FERMT2: variants seen among roughly 807,000 people sequenced by gnomAD.
The protein encoded by FERMT2 is FERM domain containing kindlin 2, also known as fermitin family homolog 2.
A neutral mutation model predicts 82.7 loss-of-function variants in FERMT2; 15 were observed. The observed-to-expected ratio is 0.18, with a 90% CI of 0.12 to 0.28. The LOEUF is 0.28. Ranked by LOEUF, FERMT2 falls within the 10% of genes least tolerant of loss-of-function variation. FERMT2 has a pLI of 1.00. For missense variants in FERMT2, 645 were observed against 809.4 expected, an observed-to-expected ratio of 0.80 and a Z score of 2.46; for synonymous variants, 274 against 271.5, an observed-to-expected ratio of 1.01 and a Z score of -0.09.
At chr14:52,884,174 C>T (rs1437779828) in intron 4 of FERMT2, among the ~76,000 whole-genome samples, 3 of 152,206 alleles carry the variant, frequency 2.0e-5, no homozygotes, top group Admixed American at 6.5e-5. Flanking sequence ...GTTCTGTAGG[C>T]ACTATGTGAT....
At chr14:52,900,465 T>C (rs557586084) in intron 3 of FERMT2, among the ~76,000 whole-genome samples, 10 of 152,038 alleles carry the variant, frequency 6.6e-5, no homozygotes, top group Admixed American at 6.6e-5. Flanking sequence ...AAAAAGTATA[T>C]TGAATACGTG....
chr14:52,930,193 G>A (rs1019558826), intron 2 of FERMT2, among the ~76,000 whole-genome samples: 5 of 152,028 alleles, frequency 3.3e-5, no homozygotes, highest in Admixed American at 2.6e-4. Context: ...GATTCCCCTA[G>A]AAAAAGGAAA....
In FERMT2 at chr14:52,949,408, A is replaced by G. The variant is rs529921286; in HGVS notation, c.157+1004T>C. 5.3e-5 allele frequency among the ~76,000 whole-genome samples: 8 copies of G among 151,922 alleles called. No homozygotes were observed. The South Asian group carries it at 1.7e-3, about 32-fold the overall frequency. ...AAAAAAAGAAAAAAAAAAAGACGAA[A>G]AAAACCCCCAGAAAGTCCCCAACCC... is the stretch of plus-strand genomic sequence containing the variant. On this transcript the variant is annotated intron_variant, in intron 2 of 14. Transcript: ENST00000341590.
At chr14:52,902,924 C>A (rs1887761927) in intron 3 of FERMT2, among the ~76,000 whole-genome samples, 8 of 86,688 alleles carry the variant, frequency 9.2e-5, no homozygotes, top group Non-Finnish European at 1.2e-4. Flanking sequence ...ATGTGATAGC[C>A]ACCAAAAAAA....
At position 52,860,379 on chromosome 14, in the gene FERMT2, C is replaced by T. The variant is rs758294456; in HGVS notation, c.1689G>A (p.Gln563=). Reference sequence around the variant, plus strand: ...GAGTGATGCCAAATTCAGGTAGTGACTGCCAAGCTTGAATAAATCTCATCT... The same window carrying T: ...GAGTGATGCCAAATTCAGGTAGTGATTGCCAAGCTTGAATAAATCTCATCT... ...EAKMRFIQAW[Q]SLPEFGITHF... The change falls in exon 13 of 15, where the codon CAG becomes CAA. Residue 563 remains glutamine, a synonymous_variant. Coordinates refer to ENST00000341590, the MANE Select transcript of FERMT2 (RefSeq NM_006832.3). 6.2e-7 allele frequency: 1 copy of T among 1,613,996 alleles called. No homozygotes were observed. The highest frequency in any genetic ancestry group is 1.1e-5 in the South Asian group (1 of 91,072).
chr14:52,903,833 T>A (rs1292146293), intron 3 of FERMT2, among the ~76,000 whole-genome samples: 1 of 151,980 alleles, frequency 6.6e-6, no homozygotes, highest in African/African-American at 2.4e-5. Context: ...GAGAAGATGA[T>A]GCTGAAGGGA....
chr14:52,882,995 C>T (rs547777199), intron 4 of FERMT2, among the ~76,000 whole-genome samples: 3 of 152,072 alleles, frequency 2.0e-5, no homozygotes, highest in Non-Finnish European at 4.4e-5. Flanking sequence ...GTCAGGAATT[C>T]GAGATCAGCC....
chr14:52,880,403 T>C (rs979748199), intron 6 of FERMT2, among the ~76,000 whole-genome samples: 3 of 152,202 alleles, frequency 2.0e-5, no homozygotes, highest in Admixed American at 6.5e-5. Context: ...GCCAATTCTT[T>C]TTTTTGTTTG....
chr14:52,865,122 A>G (rs1201103421), intron 10 of FERMT2, among the ~76,000 whole-genome samples: 1 of 152,178 alleles, frequency 6.6e-6, no homozygotes, highest in African/African-American at 2.4e-5. Context: ...CATGAGTTTG[A>G]GACCAGCTGA....
intron 2 of FERMT2, among the ~76,000 whole-genome samples, chr14:52,938,646 A>C (rs1362760840): frequency 1.3e-5 from 2 of 152,018 alleles, no homozygotes; most frequent in Non-Finnish European, 2.9e-5. Context: ...GGCTCAGTGC[A>C]ACCTCCACCT....
chr14:52,881,348 G>T lies in FERMT2; in HGVS notation c.648C>A (p.Gly216=). The change falls in exon 5 of 15, where the codon GGC becomes GGA. Residue 216 remains glycine, a synonymous_variant. Coordinates refer to ENST00000341590, the MANE Select transcript of FERMT2 (RefSeq NM_006832.3). ...AWFGDSALSE[G]NPGILAVSQP... ...GACTGACAGCAAGTATACCAGGATT[G>T]CCTTCTGACAAAGCACTGTCACCAA... The T allele has an allele frequency of 6.2e-7, 1 of 1,613,980 alleles. No homozygotes were observed. The highest frequency in any genetic ancestry group is 8.5e-7 in the Non-Finnish European group (1 of 1,179,998).
chr14:52,931,766 C>T (rs2139675198), intron 2 of FERMT2, among the ~76,000 whole-genome samples: 2 of 152,340 alleles, frequency 1.3e-5, no homozygotes, highest in African/African-American at 2.4e-5. Flanking sequence ...CGGTGGCTCA[C>T]GCCTGTAATC....
intron 2 of FERMT2, among the ~76,000 whole-genome samples, chr14:52,933,934 T>C (rs551044918): frequency 6.6e-6 from 1 of 151,848 alleles, no homozygotes; most frequent in African/African-American, 2.4e-5. Flanking sequence ...CCTTTTCCTT[T>C]CCCCCTTTAT....
chr14:52,893,270 C>A (rs1469419418), intron 4 of FERMT2, 23 bp downstream of exon 4: 2 of 1,578,950 alleles, frequency 1.3e-6, no homozygotes, highest in South Asian at 1.2e-5. Context: ...TACTTTGAGT[C>A]CATTGCTTGG....
intron 3 of FERMT2, among the ~76,000 whole-genome samples, chr14:52,902,927 C>CA (rs761269935): frequency 0.012 from 749 of 63,782 alleles, 4 homozygotes; most frequent in Middle Eastern, 0.053. Flanking sequence ...TGATAGCCAC[C>CA]AAAAAAAAAA....
chr14:52,908,226 C>T (rs1287098477), intron 3 of FERMT2, among the ~76,000 whole-genome samples: 1 of 152,078 alleles, frequency 6.6e-6, no homozygotes, highest in East Asian at 1.9e-4. Context: ...AAGTACTGCC[C>T]GGCAGAATGC....
chr14:52,889,131 T>G (rs1886782346), intron 4 of FERMT2, among the ~76,000 whole-genome samples: 1 of 152,228 alleles, frequency 6.6e-6, no homozygotes, highest in African/African-American at 2.4e-5. Context: ...TCTCTTCTCA[T>G]GCTACCAATT....
intron 10 of FERMT2, among the ~76,000 whole-genome samples, chr14:52,870,623 T>A (rs1280358218): frequency 6.6e-6 from 1 of 152,214 alleles, no homozygotes; most frequent in Non-Finnish European, 1.5e-5. Flanking sequence ...TCTACAGTAT[T>A]CAGTACAGTA....
intron 3 of FERMT2, among the ~76,000 whole-genome samples, chr14:52,914,667 C>T (rs575243518): frequency 1.3e-5 from 2 of 152,270 alleles, no homozygotes; most frequent in South Asian, 2.1e-4. Context: ...TGCCTGCAAT[C>T]CCAGAACTTT....
Sources: allele counts gnomAD v4.1 joint callset (sites outside exome capture counted in the v4.1 genomes callset), GRCh38; gene constraint gnomAD v4.1.1; transcripts MANE v1.5; gene names NCBI Gene and HGNC (gene_info 2026-07-23, HGNC 2026-07-21).